Variants in S100A13 observed in about 807,000 individuals in gnomAD.
S100A13 encodes protein S100-A13.
Under a neutral mutation model 8.2 loss-of-function variants are expected in S100A13, and 6 were observed. That is an observed-to-expected ratio of 0.73 (90% CI 0.40 to 1.44). The LOEUF (loss-of-function observed/expected upper bound fraction) is 1.44, where lower values mean the gene tolerates loss of function less well. S100A13 is among the 40% of genes most tolerant of loss of function. The probability of loss-of-function intolerance (pLI) is 0.02; values close to 1 mark genes in which losing one functional copy is unlikely to be tolerated. For synonymous variants in S100A13, 39 were observed against 45.9 expected, an observed-to-expected ratio of 0.85 and a Z score of 0.61; for missense variants, 114 against 113.6, an observed-to-expected ratio of 1.00 and a Z score of -0.02.
At chr1:153,630,888 C>CTGTGGTCTCCGT, upstream of S100A13, 1 of 516,052 alleles carries the variant, frequency 1.9e-6, no homozygotes, top group Non-Finnish European at 3.4e-6. Context: ...TGTGTAGATT[C>CTGTGGTCTCCGT]ATCAATAATA....
chr1:153,618,996 T>C lies in S100A13; in HGVS notation c.196A>G (p.Asn66Asp). 6.2e-7 allele frequency: 1 copy of C among 1,613,924 alleles called. No homozygotes were observed. The highest frequency in any genetic ancestry group is 8.5e-7 in the Non-Finnish European group (1 of 1,179,846). The part of the protein sequence containing the change: ...LDEKMKSLDV[N>D]QDSELKFNEY... ...TTGAACTTGAGCTCCGAGTCCTGAT[T>C]CACATCCAAGCTCTTCATCTTCTCA... Residue 66 changes from asparagine to aspartate, a missense_variant, in exon 3 of 3, where the codon AAT becomes GAT. Transcript: ENST00000476133.
At chr1:153,623,583 G>A (rs150135541) in intron 2 of S100A13, among the ~76,000 whole-genome samples, 1,528 of 152,228 alleles carry the variant, frequency 0.01, 27 homozygotes, top group South Asian at 0.035. Context: ...TAGAGATGGG[G>A]TTTCACTATG....
chr1:153,622,338 TC>T (rs1384447047), intron 2 of S100A13, among the ~76,000 whole-genome samples: 1 of 152,142 alleles, frequency 6.6e-6, no homozygotes, highest in Non-Finnish European at 1.5e-5. Flanking sequence ...GCCACTGCAC[TC>T]CAGCCTGGGT....
upstream of S100A13, chr1:153,631,417 A>G (rs1469899098): frequency 2.7e-6 from 4 of 1,487,476 alleles, no homozygotes; most frequent in East Asian, 7.4e-5. Context: ...TTAGAATTAA[A>G]TTAGACAGTG....
chr1:153,626,250 C>A, intron 2 of S100A13, 70 bp downstream of exon 2: 4 of 1,418,894 alleles, frequency 2.8e-6, no homozygotes, highest in South Asian at 1.2e-5. Context: ...GTACTCGGCA[C>A]CATCACGTCC....
chr1:153,631,370 G>T, upstream of S100A13: 3 of 1,255,572 alleles, frequency 2.4e-6, no homozygotes, highest in South Asian at 1.5e-5. Context: ...TTCTTCTCTA[G>T]AATGGAAATA....
chr1:153,625,538 A>G (rs1667561280), intron 2 of S100A13, among the ~76,000 whole-genome samples: 1 of 152,198 alleles, frequency 6.6e-6, no homozygotes, highest in Non-Finnish European at 1.5e-5. Flanking sequence ...GACCCCCTAC[A>G]CTGAGGTCTA....
At chr1:153,623,353 T>C (rs564028792) in intron 2 of S100A13, among the ~76,000 whole-genome samples, 1 of 151,604 alleles carries the variant, frequency 6.6e-6, no homozygotes, top group East Asian at 1.9e-4. Flanking sequence ...AGGGAGCACA[T>C]ACAAGTTTCC....
chr1:153,619,902 A>G (rs1453223621), intron 2 of S100A13, among the ~76,000 whole-genome samples: 12 of 152,232 alleles, frequency 7.9e-5, no homozygotes, highest in Admixed American at 6.5e-4. Flanking sequence ...ATAAAATACT[A>G]TAAGCACTGC....
intron 2 of S100A13, among the ~76,000 whole-genome samples, chr1:153,621,002 T>C (rs530287481): frequency 6.6e-6 from 1 of 151,988 alleles, no homozygotes; most frequent in Non-Finnish European, 1.5e-5. Context: ...CAACTATATA[T>C]TTCATATTAT....
At position 153,618,907 on chromosome 1, in the gene S100A13, G is replaced by C; in HGVS notation, c.285C>G (p.Ile95Met). 2 of 1,614,024 alleles carry C rather than the reference G, an allele frequency of 1.2e-6. No individual in the cohort carries two copies. Among genetic ancestry groups the C allele is most frequent in the Non-Finnish European group, 1.7e-6 (2 of 1,179,996 alleles). The stretch of plus-strand genomic sequence containing the variant: ...CAGCCAGGCGGCTTTACTTCTTCCT[G>C]ATCTTCAGGTCTTTCTTCTTCCTGA... The part of the protein sequence containing the change: ...KEIRKKKDLK[I>M]RKK The change falls in exon 3 of 3, where the codon ATC becomes ATG. Residue 95 changes from isoleucine to methionine, a missense_variant. By Grantham distance (10) the Ile-to-Met change is conservative (BLOSUM62 1). Coordinates refer to ENST00000476133, the MANE Select transcript of S100A13 (RefSeq NM_001024211.2).
upstream of S100A13, chr1:153,628,001 T>C: frequency 1.3e-6 from 2 of 1,544,584 alleles, no homozygotes; most frequent in Non-Finnish European, 1.7e-6. Flanking sequence ...GAGTCCTGGA[T>C]TGAAATCCCT....
intron 2 of S100A13, among the ~76,000 whole-genome samples, chr1:153,622,524 G>C (rs1490190177): frequency 6.6e-6 from 1 of 151,954 alleles, no homozygotes; most frequent in Non-Finnish European, 1.5e-5. Context: ...CATCAATAAA[G>C]GATTGGGCTG....
At chr1:153,630,679 G>A (rs780897484), upstream of S100A13, 5 of 1,613,248 alleles carry the variant, frequency 3.1e-6, no homozygotes, top group Admixed American at 8.3e-5. Flanking sequence ...ATAGAGTGGT[G>A]GAGTGGGAGT....
upstream of S100A13, chr1:153,631,354 ATT>A: frequency 8.9e-7 from 1 of 1,117,898 alleles, no homozygotes; most frequent in Non-Finnish European, 1.3e-6. Context: ...CCGATTACCA[ATT>A]TGTTTCTTCT....
Position 153,626,374 on chromosome 1 carries a change from G to A in S100A13, c.99C>T (p.Leu33=), listed in dbSNP as rs2101602119. ...FARQEGRKDS[L]SVNEFKELVT... Reference sequence around the variant, plus strand: ...CCAGCTCTTTGAACTCGTTGACGCTGAGGCTATCCTTCCGGCCCTCCTGCC... The same window carrying A: ...CCAGCTCTTTGAACTCGTTGACGCTAAGGCTATCCTTCCGGCCCTCCTGCC... The change falls in exon 2 of 3, where the codon CTC becomes CTT. Residue 33 remains leucine (L), a synonymous_variant. Coordinates refer to ENST00000476133, the MANE Select transcript of S100A13 (RefSeq NM_001024211.2). The A allele has an allele frequency of 6.2e-7, 1 of 1,614,194 alleles. No individual in the cohort carries two copies. Among genetic ancestry groups the A allele is most frequent in the Non-Finnish European group, 8.5e-7 (1 of 1,180,020 alleles).
chr1:153,623,923 G>C (rs900995934), intron 2 of S100A13, among the ~76,000 whole-genome samples: 1 of 152,138 alleles, frequency 6.6e-6, no homozygotes, highest in Admixed American at 6.5e-5. Flanking sequence ...GGATTAACTG[G>C]GTTGAGAACA....
intron 2 of S100A13, 39 bp downstream of exon 2, chr1:153,626,278 AATC>A: frequency 6.3e-7 from 1 of 1,591,894 alleles, no homozygotes; most frequent in Non-Finnish European, 8.6e-7. Flanking sequence ...AGTGTCCCAT[AATC>A]ATCATCTCAC....
At chr1:153,619,075 CTG>C in intron 2 of S100A13, 37 bp from the exon 3 acceptor site, 1 of 1,595,196 alleles carries the variant, frequency 6.3e-7, no homozygotes, top group Non-Finnish European at 8.6e-7. Context: ...GAGTTAGAAA[CTG>C]GGGTTCTTGA....
Sources: allele counts gnomAD v4.1 joint callset (sites outside exome capture counted in the v4.1 genomes callset), GRCh38; gene constraint gnomAD v4.1.1; transcripts MANE v1.5; gene names NCBI Gene and HGNC (gene_info 2026-07-23, HGNC 2026-07-21).